The following SYNE2 variants were observed in gnomAD, a reference collection of about 807,000 sequenced individuals.
SYNE2 encodes spectrin repeat containing nuclear envelope protein 2.
Under a neutral mutation model 856.3 loss-of-function variants are expected in SYNE2, and 431 were observed. The observed-to-expected ratio is 0.50, with a 90% CI of 0.47 to 0.55. The LOEUF (loss-of-function observed/expected upper bound fraction) is 0.55, where lower values mean the gene tolerates loss of function less well. Ranked by LOEUF, SYNE2 falls within the 20% of genes least tolerant of loss-of-function variation. The probability of loss-of-function intolerance (pLI) is 0.00; values close to 1 mark genes in which losing one functional copy is unlikely to be tolerated. For missense variants in SYNE2, 8,129 were observed against 8,023.2 expected, an observed-to-expected ratio of 1.01 and a Z score of -0.50; for synonymous variants, 2,923 against 2,872.3, an observed-to-expected ratio of 1.02 and a Z score of -0.56.
At chr14:64,015,028 AATAT>A (rs1228978355) in intron 32 of SYNE2, among the ~76,000 whole-genome samples, 1 of 133,196 alleles carries the variant, frequency 7.5e-6, no homozygotes, top group Non-Finnish European at 1.6e-5. Flanking sequence ...TATGTATATA[AATAT>A]ATATGTATAT....
chr14:63,783,514 A>T (rs1887402327), intron 1 of SYNE2, among the ~76,000 whole-genome samples: 1 of 152,098 alleles, frequency 6.6e-6, no homozygotes, highest in African/African-American at 2.4e-5. Flanking sequence ...AGTAGCTGGG[A>T]CTACAGGCGC....
intron 23 of SYNE2, among the ~76,000 whole-genome samples, chr14:63,996,318 A>G (rs1481705928): frequency 2.0e-5 from 3 of 152,168 alleles, no homozygotes. Flanking sequence ...CTTTTCTCAG[A>G]ATGATGATGG....
chr14:63,934,360 T>C (rs191372736), intron 2 of SYNE2, among the ~76,000 whole-genome samples: 54 of 152,208 alleles, frequency 3.5e-4, no homozygotes, highest in African/African-American at 1.1e-3. Context: ...TTTGATTATT[T>C]TAAATTCAAG....
intron 19 of SYNE2, 45 bp from the exon 20 acceptor site, chr14:63,990,366 T>A (rs756212606): frequency 6.3e-7 from 1 of 1,586,790 alleles, no homozygotes; most frequent in East Asian, 2.2e-5. Flanking sequence ...GTTTAGCATA[T>A]AATCAGAATG....
chr14:64,021,185 C>T lies in SYNE2; in HGVS notation c.5152-130C>T, dbSNP rs565123971. 280 of 767,492 alleles carry T rather than the reference C, an allele frequency of 3.6e-4. 2 individuals carry two copies. The highest frequency in any genetic ancestry group is 1.2e-3 in the Admixed American group (59 of 48,658). 47.5% of individuals were successfully genotyped at this position (767,492 alleles called of 1,614,324 possible). A position where few individuals can be genotyped will look rare whatever the true frequency, so the allele number is the denominator to read the frequency against. ...AAATTGTATCAGTGACATAGAAAAA[C>T]GTAGAGCAATGAAAAGAATGCATTT... On this transcript the variant is annotated intron_variant, in intron 35 of 115. Coordinates refer to ENST00000555002, the MANE Select transcript of SYNE2 (RefSeq NM_182914.3).
intron 63 of SYNE2, among the ~76,000 whole-genome samples, chr14:64,101,531 C>A (rs1220385454): frequency 6.6e-6 from 1 of 152,322 alleles, no homozygotes; most frequent in African/African-American, 2.4e-5. Flanking sequence ...CAACCTCCAA[C>A]TCCTGGCCTC....
At chr14:64,098,967 T>C in intron 63 of SYNE2, 146 bp downstream of exon 63, 1 of 786,230 alleles carries the variant, frequency 1.3e-6, no homozygotes, top group Non-Finnish European at 2.1e-6. Context: ...AGTTCTCTTA[T>C]GTTATTAATG....
chr14:64,219,559 T>C, intron 110 of SYNE2, 149 bp downstream of exon 110: 2 of 816,586 alleles, frequency 2.4e-6, no homozygotes, highest in South Asian at 3.0e-5. Flanking sequence ...TTCAGTTCCA[T>C]AGTTGGCAAG....
intron 1 of SYNE2, among the ~76,000 whole-genome samples, chr14:63,862,500 G>A (rs1459320243): frequency 6.6e-6 from 1 of 152,104 alleles, no homozygotes; most frequent in Non-Finnish European, 1.5e-5. Flanking sequence ...CCTCCTAAGG[G>A]GCTGGGATTA....
At chr14:63,776,072 A>G (rs1387556660) in intron 1 of SYNE2, among the ~76,000 whole-genome samples, 1 of 152,176 alleles carries the variant, frequency 6.6e-6, no homozygotes, top group African/African-American at 2.4e-5. Context: ...GAATATTTAC[A>G]CCTATTGATT....
intron 6 of SYNE2, among the ~76,000 whole-genome samples, chr14:63,943,235 C>T (rs912312683): frequency 1.3e-5 from 2 of 152,174 alleles, no homozygotes; most frequent in Non-Finnish European, 2.9e-5. Context: ...TTTTTGAACA[C>T]TTACTGTATG....
chr14:64,225,366 T>C lies in SYNE2; in HGVS notation c.20564T>C (p.Val6855Ala). 6.2e-7 allele frequency: 1 copy of C among 1,614,116 alleles called. No individual in the cohort carries two copies. The highest frequency in any genetic ancestry group is 8.5e-7 in the Non-Finnish European group (1 of 1,180,016). The change falls in exon 116 of 116, where the codon GTC (valine) becomes GCC (alanine). Residue 6855 changes from valine (V) to alanine (A), a missense_variant. Coordinates refer to ENST00000555002, the MANE Select transcript of SYNE2 (RefSeq NM_182914.3). ...CAGCGCTCCTTCCTCTCAAGGGTGG[T>C]CCGGGCAGCCCTACCCCTGCAGCTG... ...RPQRSFLSRV[V>A]RAALPLQLLL...
chr14:63,807,865 A>ATATATATATAT (rs1267385896), intron 1 of SYNE2, among the ~76,000 whole-genome samples: 491 of 97,228 alleles, frequency 5.0e-3, no homozygotes, highest in Non-Finnish European at 7.6e-3. Context: ...ATATATATAT[A>ATATATATATAT]ATTTCAATAG....
rs531610078 is a variant in SYNE2, at chr14:63,965,642, A to G, written c.990+1642A>G. Among the ~76,000 whole-genome samples, 25 of 152,348 alleles carry G rather than the reference A, an allele frequency of 1.6e-4. No homozygotes were observed. In the East Asian group the frequency reaches 2.5e-3, roughly 15 times the overall value. ...CTGTCAGGTACCCCACACAGCACTT[A>G]GCACCTCTAGGTCTCCATCTCCCTG... On this transcript the variant is annotated intron_variant, in intron 10 of 115. Transcript: ENST00000555002.
rs765943821 is a variant in SYNE2 at position 63,949,854 on chromosome 14, C to A, written c.438C>A (p.Cys146Ter). 1 of 1,614,154 alleles carries A rather than the reference C, an allele frequency of 6.2e-7. No individual in the cohort carries two copies. Among genetic ancestry groups the A allele is most frequent in the Admixed American group, 1.7e-5 (1 of 60,020 alleles). ...AGAAGCTTGCCCAGACTCTTTCTTG[C>A]AATTACAATCAGCCTTCCCTGGATG... is the stretch of plus-strand genomic sequence containing the variant. ...HIEKLAQTLS[C>*]NYNQPSLDDV... Residue 146 changes from cysteine (C) to a stop codon, truncating the protein, a stop_gained, in exon 7 of 116, where the codon TGC (cysteine) becomes TGA (stop). Coordinates refer to ENST00000555002, the MANE Select transcript of SYNE2 (RefSeq NM_182914.3). LOFTEE classifies it high-confidence loss of function.
At chr14:63,867,918 A>G (rs1203141759) in intron 1 of SYNE2, among the ~76,000 whole-genome samples, 3 of 152,092 alleles carry the variant, frequency 2.0e-5, no homozygotes, top group Non-Finnish European at 4.4e-5. Context: ...TTAATTAGCT[A>G]GACGTGGTGG....
rs1235124290 is a variant in SYNE2 at position 63,780,723 on chromosome 14, C to G, written c.-305+18737C>G. 2.0e-5 allele frequency among the ~76,000 whole-genome samples: 3 copies of G among 152,200 alleles called. No homozygotes were observed. The East Asian group carries it at 5.8e-4, about 29-fold the overall frequency. ...AGAAGTATTAAAAAAAATGAACAAA[C>G]TACTGAAGCCTACATCAACTTGCCT... is the stretch of plus-strand genomic sequence containing the variant. On this transcript the variant is annotated intron_variant, in intron 1 of 23. Transcript: ENST00000674003.
intron 64 of SYNE2, among the ~76,000 whole-genome samples, chr14:64,102,986 T>C (rs2097745476): frequency 6.6e-6 from 1 of 152,190 alleles, no homozygotes; most frequent in East Asian, 1.9e-4. Flanking sequence ...AGAACCTCCT[T>C]CTTTTTGAAG....
rs778040262 is a variant in SYNE2, at chr14:64,126,456, T to A, written c.13684T>A (p.Ser4562Thr). ...EMPRLYREDG[S>T]GQQVHYETLA... ...GCCCAGACTTTACAGGGAGGATGGT[T>A]CTGGCCAGCAGGTGCACTACGAGGT... Residue 4562 changes from serine to threonine, a missense_variant, in exon 72 of 116, where the codon TCT (serine) becomes ACT (threonine). This residue lies in a region of SYNE2 where 5,410 missense variants were observed against 5,284.8 expected (regional missense o/e 1.02). Coordinates refer to ENST00000555002, the MANE Select transcript of SYNE2 (RefSeq NM_182914.3). 6.2e-7 allele frequency: 1 copy of A among 1,614,130 alleles called. No individual in the cohort carries two copies. Among genetic ancestry groups the A allele is most frequent in the Non-Finnish European group, 8.5e-7 (1 of 1,180,004 alleles).
Sources: gnomAD v4.1 joint callset for allele counts (sites outside exome capture counted in the v4.1 genomes callset) on GRCh38, gnomAD v4.1.1 for gene constraint, gnomAD v4.1.1 regional missense constraint, MANE v1.5 for transcripts, NCBI Gene and HGNC (gene_info 2026-07-23, HGNC 2026-07-21) for gene names.